Variants in KATNIP observed in about 807,000 individuals in gnomAD.
The protein encoded by KATNIP is katanin-interacting protein.
A neutral mutation model predicts 174.0 loss-of-function variants in KATNIP; 126 were observed. That is an observed-to-expected ratio of 0.72 (90% CI 0.63 to 0.84). The LOEUF is 0.84. Ranked by LOEUF, KATNIP falls within the 40% of genes least tolerant of loss-of-function variation. The pLI is 0.00. For missense variants in KATNIP, 1,958 were observed against 2,109.7 expected, an observed-to-expected ratio of 0.93 and a Z score of 1.41; for synonymous variants, 810 against 835.7, an observed-to-expected ratio of 0.97 and a Z score of 0.53.
intron 2 of KATNIP, 23 bp downstream of exon 2, chr16:27,573,979 C>T (rs1285748271): frequency 6.2e-7 from 1 of 1,609,262 alleles, no homozygotes; most frequent in Non-Finnish European, 8.5e-7. Context: ...CTGGCGAGGG[C>T]TGATGGGAGG....
intron 1 of KATNIP, among the ~76,000 whole-genome samples, chr16:27,554,956 G>C (rs751004482): frequency 2.0e-5 from 3 of 151,896 alleles, no homozygotes; most frequent in Non-Finnish European, 2.9e-5. Context: ...ACCACGCCTG[G>C]CTAACTTTTT....
At chr16:27,751,641 A>T in intron 16 of KATNIP, 78 bp from the exon 17 acceptor site, 1 of 1,347,486 alleles carries the variant, frequency 7.4e-7, no homozygotes. Context: ...ACAGAAGTGG[A>T]TGGGTTTAGG....
chr16:27,570,757 A>G (rs776446039), intron 1 of KATNIP, among the ~76,000 whole-genome samples: 63 of 152,022 alleles, frequency 4.1e-4, no homozygotes, highest in Non-Finnish European at 7.8e-4. Flanking sequence ...CATCTCTGCA[A>G]TTTTGCAGCT....
chr16:27,747,429 G>A (rs1200532309), intron 15 of KATNIP, among the ~76,000 whole-genome samples: 3 of 151,990 alleles, frequency 2.0e-5, no homozygotes, highest in Admixed American at 6.6e-5. Context: ...GAGTTCAGAG[G>A]TTGTCATCAG....
chr16:27,588,144 T>TGCCTCC (rs1187987403), intron 2 of KATNIP, among the ~76,000 whole-genome samples: 5 of 151,924 alleles, frequency 3.3e-5, no homozygotes, highest in African/African-American at 4.8e-5. Context: ...CTCCTGCCTC[T>TGCCTCC]GCCTCCCAAA....
intron 5 of KATNIP, chr16:27,632,439 G>A: frequency 2.9e-6 from 1 of 350,012 alleles, no homozygotes; most frequent in South Asian, 2.1e-5. Flanking sequence ...ATATGCGCAT[G>A]TGCAGTTGAG....
intron 2 of KATNIP, among the ~76,000 whole-genome samples, chr16:27,608,917 G>A (rs918361357): frequency 6.6e-6 from 1 of 152,076 alleles, no homozygotes; most frequent in Non-Finnish European, 1.5e-5. Context: ...CATCCTAACC[G>A]AGGGATCGTT....
At chr16:27,569,382 AT>A (rs2090204899) in intron 1 of KATNIP, among the ~76,000 whole-genome samples, 1 of 152,258 alleles carries the variant, frequency 6.6e-6, no homozygotes, top group Non-Finnish European at 1.5e-5. Context: ...TAGTTACAAA[AT>A]TCAATGCAGT....
chr16:27,692,176 A>G (rs1461034480), intron 8 of KATNIP, among the ~76,000 whole-genome samples: 1 of 152,180 alleles, frequency 6.6e-6, no homozygotes, highest in Non-Finnish European at 1.5e-5. Flanking sequence ...CCTTCTACCA[A>G]TGCTGGTGTT....
At chr16:27,571,889 G>A (rs965340669) in intron 1 of KATNIP, among the ~76,000 whole-genome samples, 2 of 152,150 alleles carry the variant, frequency 1.3e-5, no homozygotes, top group Non-Finnish European at 2.9e-5. Context: ...GGGTTTCTGG[G>A]AGCTGCTCAT....
At chr16:27,597,689 G>A (rs1158068059) in intron 2 of KATNIP, among the ~76,000 whole-genome samples, 2 of 152,022 alleles carry the variant, frequency 1.3e-5, no homozygotes, top group Non-Finnish European at 2.9e-5. Context: ...ATTGCAGGAG[G>A]GAAATGGCTG....
chr16:27,704,059 TC>T, intron 12 of KATNIP, 61 bp downstream of exon 12: 1 of 1,277,950 alleles, frequency 7.8e-7, no homozygotes, highest in Non-Finnish European at 1.1e-6. Context: ...AACAGGCATT[TC>T]GCATCAGTGA....
chr16:27,642,706 C>T (rs564465591), intron 5 of KATNIP, among the ~76,000 whole-genome samples: 1 of 151,820 alleles, frequency 6.6e-6, no homozygotes, highest in Non-Finnish European at 1.5e-5. Context: ...GGGAAGTTCT[C>T]TAATCCCAGT....
At chr16:27,629,575 T>G (rs1315200188) in intron 4 of KATNIP, among the ~76,000 whole-genome samples, 1 of 152,186 alleles carries the variant, frequency 6.6e-6, no homozygotes, top group Non-Finnish European at 1.5e-5. Flanking sequence ...AGGAAGCTTG[T>G]GTGTAATAGA....
chr16:27,590,324 TTTTC>T (rs1019216503), intron 2 of KATNIP, among the ~76,000 whole-genome samples: 15 of 151,862 alleles, frequency 9.9e-5, no homozygotes, highest in South Asian at 2.1e-4. Flanking sequence ...CCTATTTTCT[TTTTC>T]TTTCTTTCTT....
Position 27,771,589 on chromosome 16 carries a change from C to T in KATNIP, c.4135C>T (p.Leu1379=). Residue 1379 remains leucine (L), a splice_region_variant and synonymous_variant, in exon 22 of 28, where the codon CTG becomes TTG. Transcript: ENST00000261588. ...TGGTGCTGTTTTGTGCTTTTTCAGG[C>T]TGGACATGAGAAGCCTGGAGTGTGC... ...AQLLPQPARR[L]DMRSLECASM... 2 of 1,612,466 alleles carry T rather than the reference C, an allele frequency of 1.2e-6. No individual in the cohort carries two copies. The highest frequency in any genetic ancestry group is 2.2e-5 in the East Asian group (1 of 44,832).
intron 6 of KATNIP, among the ~76,000 whole-genome samples, chr16:27,653,844 G>A (rs897495054): frequency 2.0e-5 from 3 of 151,930 alleles, no homozygotes; most frequent in Admixed American, 6.6e-5. Flanking sequence ...GAGTTTTTTG[G>A]TAGAGATAGG....
At chr16:27,618,556 T>G in intron 3 of KATNIP, 55 bp downstream of exon 3, 1 of 1,296,558 alleles carries the variant, frequency 7.7e-7, no homozygotes, top group South Asian at 1.2e-5. Flanking sequence ...AAAATCTATT[T>G]AGATTTATTA....
At chr16:27,641,404 C>T (rs376761789) in intron 5 of KATNIP, among the ~76,000 whole-genome samples, 3 of 152,136 alleles carry the variant, frequency 2.0e-5, no homozygotes, top group African/African-American at 7.2e-5. Flanking sequence ...CACATCTCTT[C>T]CATGCCCCAG....
Sources: gnomAD v4.1 joint callset for allele counts (sites outside exome capture counted in the v4.1 genomes callset) on GRCh38, gnomAD v4.1.1 for gene constraint, MANE v1.5 for transcripts, NCBI Gene and HGNC (gene_info 2026-07-23, HGNC 2026-07-21) for gene names.